KNTC1: variants seen among roughly 807,000 people sequenced by gnomAD.
KNTC1 encodes the protein kinetochore associated 1.
KNTC1 carries 253 observed loss-of-function variants against 314.4 expected under a neutral mutation model. The observed-to-expected ratio is 0.80, with a 90% CI of 0.73 to 0.89. KNTC1 has a LOEUF of 0.89. KNTC1 is among the 40% of genes least tolerant of loss of function. The pLI is 0.00. For synonymous variants in KNTC1, 901 were observed against 901.4 expected (o/e 1.00, Z 0.01); for missense variants, 2,475 against 2,572.9 (o/e 0.96, Z 0.82).
intron 33 of KNTC1, among the ~76,000 whole-genome samples, chr12:122,582,255 A>G (rs919401621): frequency 5.9e-5 from 9 of 152,138 alleles, no homozygotes; most frequent in Non-Finnish European, 1.2e-4. Flanking sequence ...CGTCTCTACT[A>G]AAAATAACAA....
In KNTC1 at chr12:122,542,067, C is replaced by T; in HGVS notation, c.463C>T (p.Leu155Phe). The change falls in exon 6 of 64, where the codon CTT becomes TTT. Residue 155 changes from leucine to phenylalanine, a missense_variant. Transcript: ENST00000333479. ...TTCAATAGGTACCTATTATATGCTA[C>T]TTCTTACATACAGTGGATTTTTTTG... is the stretch of plus-strand genomic sequence containing the variant. ...GSNEGTYYML[L>F]LTYSGFFCIT... is the part of the protein sequence containing the mutation. 6.5e-7 allele frequency: 1 copy of T among 1,544,536 alleles called. No individual in the cohort carries two copies. Among genetic ancestry groups the T allele is most frequent in the Non-Finnish European group, 8.8e-7 (1 of 1,136,364 alleles).
At position 122,541,170 on chromosome 12, in the gene KNTC1, G is replaced by C. The variant is rs368049005; in HGVS notation, c.446-880G>C. The stretch of plus-strand genomic sequence containing the variant: ...CCATTGCACTCCAGCCTGGGAGATA[G>C]ATTGAGACCCTGTCTCAAAAACAAA... On this transcript the variant is annotated intron_variant, in intron 5 of 63. Coordinates refer to ENST00000333479, the MANE Select transcript of KNTC1 (RefSeq NM_014708.6). Among the ~76,000 whole-genome samples the C allele has an allele frequency of 4.0e-5, 6 of 151,790 alleles. No individual in the cohort carries two copies. In the East Asian group the frequency reaches 5.8e-4, roughly 15 times the overall value.
Position 122,613,100 on chromosome 12 carries a change from T to C in KNTC1, c.5623-12T>C, listed in dbSNP as rs1219432350. On this transcript the variant is annotated splice_polypyrimidine_tract_variant and intron_variant, in intron 53 of 63. Coordinates refer to ENST00000333479, the MANE Select transcript of KNTC1 (RefSeq NM_014708.6). ...AGGTGTTCAACTCTCCAAACCTCTT[T>C]TGGTTTTTCAGACATTAGGTATGCA... 2 of 1,516,084 alleles carry C rather than the reference T, an allele frequency of 1.3e-6. No homozygotes were observed. The highest frequency in any genetic ancestry group is 1.7e-5 in the Admixed American group (1 of 58,244). The allele number at this position is 1,516,084 out of a possible 1,614,324, so 93.9% of individuals were successfully genotyped here. A position where few individuals can be genotyped will look rare whatever the true frequency, so the allele number is the denominator to read the frequency against.
At chr12:122,573,322 T>A in intron 26 of KNTC1, 37 bp downstream of exon 26, 3 of 1,580,648 alleles carry the variant, frequency 1.9e-6, no homozygotes, top group Non-Finnish European at 2.6e-6. Context: ...ATTTCTTGGA[T>A]CTATGCAGTG....
intron 31 of KNTC1, 82 bp from the exon 32 acceptor site, chr12:122,579,819 TGTGG>T: frequency 1.2e-6 from 1 of 865,122 alleles, no homozygotes; most frequent in Non-Finnish European, 1.8e-6. Context: ...TTTCTGCTTC[TGTGG>T]TTTTTGTGTA....
At chr12:122,533,054 A>T in intron 2 of KNTC1, among the ~76,000 whole-genome samples, 1 of 151,538 alleles carries the variant, frequency 6.6e-6, no homozygotes, top group Admixed American at 6.6e-5. Flanking sequence ...TAAAAAAAAT[A>T]AAAATTAAAA....
Position 122,543,627 on chromosome 12 carries a change from CA to C in KNTC1, c.557del (p.Lys186SerfsTer29). The C allele has an allele frequency of 1.9e-6, 3 of 1,550,444 alleles. No homozygotes were observed. The highest frequency in any genetic ancestry group is 1.4e-5 in the African/African-American group (1 of 72,688). On this transcript the variant is annotated frameshift_variant, in exon 7 of 64. Transcript: ENST00000333479. LOFTEE classifies it high-confidence loss of function. Reference sequence around the variant, plus strand: ...ATTGAGAATGTAGACTTCAGTACAGCAAAAAAGGTAAGAAAATAAATCCATA... The same window carrying C: ...ATTGAGAATGTAGACTTCAGTACAGCAAAAAGGTAAGAAAATAAATCCATA... ...QAIENVDFST[A>X]KKLQGQIKSS...
At chr12:122,580,469 T>C (rs1965332660) in intron 32 of KNTC1, 134 bp from the exon 33 acceptor site, 1 of 596,730 alleles carries the variant, frequency 1.7e-6, no homozygotes, top group South Asian at 2.1e-5. Flanking sequence ...TTAGTTACTG[T>C]ATATTATCAT....
intron 36 of KNTC1, 103 bp downstream of exon 36, chr12:122,585,093 A>G: frequency 1.5e-6 from 1 of 679,908 alleles, no homozygotes; most frequent in Admixed American, 2.5e-5. Flanking sequence ...GCTGGAGTGC[A>G]GTGGCATGAT....
In KNTC1 at chr12:122,597,889, TGAC is replaced by T. The variant is rs771449195; in HGVS notation, c.4517_4519del (p.Thr1506del). 1 of 1,614,048 alleles carries T rather than the reference TGAC, an allele frequency of 6.2e-7. No individual in the cohort carries two copies. Among genetic ancestry groups the T allele is most frequent in the Non-Finnish European group, 8.5e-7 (1 of 1,179,896 alleles). On this transcript the variant is annotated inframe_deletion, in exon 44 of 64. Coordinates refer to ENST00000333479, the MANE Select transcript of KNTC1 (RefSeq NM_014708.6). The stretch of plus-strand genomic sequence containing the variant: ...AAAGCCCTTGAGATGGTTCCTTTAC[TGAC>T]GAGCACAAAAGATTTGGTCATCAGT...
At position 122,584,881 on chromosome 12, in the gene KNTC1, AT is replaced by A; in HGVS notation, c.3437-8del. 1 of 1,332,538 alleles carries A rather than the reference AT, an allele frequency of 7.5e-7. No individual in the cohort carries two copies. Among genetic ancestry groups the A allele is most frequent in the Non-Finnish European group, 1.1e-6 (1 of 932,486 alleles). The allele number at this position is 1,332,538 out of a possible 1,614,324, so 82.5% of individuals were successfully genotyped here. On this transcript the variant is annotated splice_polypyrimidine_tract_variant and intron_variant, in intron 35 of 63. Coordinates refer to ENST00000333479, the MANE Select transcript of KNTC1 (RefSeq NM_014708.6). ...AATATGAGTTTAATGATTTTTCTCC[AT>A]TTTGTTTCAGATTTTTTACTAGATG...
At chr12:122,585,498 T>A (rs1265329012) in intron 36 of KNTC1, 138 bp from the exon 37 acceptor site, 2 of 892,856 alleles carry the variant, frequency 2.2e-6, no homozygotes, top group East Asian at 5.0e-5. Context: ...ACATTGGGCC[T>A]CCAGCAAGGC....
chr12:122,537,455 G>C (rs1262472740), intron 3 of KNTC1, among the ~76,000 whole-genome samples: 1 of 148,042 alleles, frequency 6.8e-6, no homozygotes, highest in Non-Finnish European at 1.5e-5. Context: ...GTCTGGCTCT[G>C]TTGCCTAGGC....
At chr12:122,565,774 A>T (rs545806690) in intron 20 of KNTC1, among the ~76,000 whole-genome samples, 1 of 152,038 alleles carries the variant, frequency 6.6e-6, no homozygotes, top group East Asian at 1.9e-4. Flanking sequence ...AGTCCTGGCT[A>T]CTAAGGAAGC....
At chr12:122,612,102 G>C (rs1873197080) in intron 53 of KNTC1, among the ~76,000 whole-genome samples, 1 of 149,080 alleles carries the variant, frequency 6.7e-6, no homozygotes, top group Non-Finnish European at 1.5e-5. Context: ...GTCTTGCTCT[G>C]TCACCCAGGT....
At chr12:122,613,509 G>A (rs1873409902) in intron 54 of KNTC1, 117 bp from the exon 55 acceptor site, 1 of 873,644 alleles carries the variant, frequency 1.1e-6, no homozygotes. Flanking sequence ...GAATATATTT[G>A]GAAGTCCAAA....
At position 122,604,930 on chromosome 12, in the gene KNTC1, C is replaced by T. The variant is rs1278257197; in HGVS notation, c.5229C>T (p.Tyr1743=). Residue 1743 remains tyrosine, a synonymous_variant, in exon 50 of 64, where the codon TAC becomes TAT. Transcript: ENST00000333479. ...EALLKKLHIQ[Y]RRSGTEAVLI... ...TGTTGAAGAAGCTTCATATCCAGTA[C>T]CGGCGATCGGGCACAGAAGCTGTGC... The T allele has an allele frequency of 6.2e-7, 1 of 1,610,664 alleles. No individual in the cohort carries two copies. The highest frequency in any genetic ancestry group is 8.5e-7 in the Non-Finnish European group (1 of 1,178,402).
chr12:122,582,512 C>T (rs996437215), intron 33 of KNTC1, among the ~76,000 whole-genome samples, 193 bp from the exon 34 acceptor site: 2 of 151,910 alleles, frequency 1.3e-5, no homozygotes, highest in Non-Finnish European at 2.9e-5. Context: ...GCATCAGGTA[C>T]TATGCTGGGT....
At chr12:122,601,401 T>A (rs1183461199) in intron 44 of KNTC1, 135 bp from the exon 45 acceptor site, 2 of 830,254 alleles carry the variant, frequency 2.4e-6, no homozygotes, top group African/African-American at 3.6e-5. Context: ...AGCTCATTTT[T>A]AAGGGAGTAA....
Sources: gnomAD v4.1 joint callset for allele counts (sites outside exome capture counted in the v4.1 genomes callset) on GRCh38, gnomAD v4.1.1 for gene constraint, MANE v1.5 for transcripts, NCBI Gene and HGNC (gene_info 2026-07-23, HGNC 2026-07-21) for gene names.